The following PHLPP2 variants were observed in gnomAD, a reference collection of about 807,000 sequenced individuals.
PHLPP2 encodes the protein PH domain and leucine rich repeat protein phosphatase 2, also known as PH domain leucine-rich repeat-containing protein phosphatase 2.
Under a neutral mutation model 124.9 loss-of-function variants are expected in PHLPP2, and 66 were observed. That is an observed-to-expected ratio of 0.53 (90% CI 0.43 to 0.65). The LOEUF (loss-of-function observed/expected upper bound fraction) is 0.65. PHLPP2 is among the 30% of genes least tolerant of loss of function. The pLI, the probability that PHLPP2 is intolerant of heterozygous loss-of-function variation, is 0.00. For synonymous variants in PHLPP2, 681 were observed against 624.7 expected, an observed-to-expected ratio of 1.09 and a Z score of -1.34; for missense variants, 1,685 against 1,600.4, an observed-to-expected ratio of 1.05 and a Z score of -0.90.
Position 71,652,953 on chromosome 16 carries a change from G to A in PHLPP2, c.2654C>T (p.Ala885Val). 1 of 1,614,068 alleles carries A rather than the reference G, an allele frequency of 6.2e-7. No homozygotes were observed. Among genetic ancestry groups the A allele is most frequent in the South Asian group, 1.1e-5 (1 of 91,082 alleles). The change falls in exon 18 of 19, where the codon GCC (alanine) becomes GTC (valine). Residue 885 changes from alanine (A) to valine (V), a missense_variant. Coordinates refer to ENST00000568954, the MANE Select transcript of PHLPP2 (RefSeq NM_015020.3). ...ALLCYIRPDT[A>V]DPASSFSLTV... ...CAAGCTAAAGCTACTTGCTGGATCGGCAGTGTCAGGGCGGATGTAGCACAG... is the reference window on the plus strand; with the variant it reads ...CAAGCTAAAGCTACTTGCTGGATCGACAGTGTCAGGGCGGATGTAGCACAG...
chr16:71,687,518 A>T (rs2045065471), intron 4 of PHLPP2, among the ~76,000 whole-genome samples: 1 of 152,162 alleles, frequency 6.6e-6, no homozygotes, highest in Admixed American at 6.5e-5. Context: ...ATGATTACTG[A>T]TATATTCGGA....
chr16:71,702,330 G>T (rs2045240029), intron 3 of PHLPP2, among the ~76,000 whole-genome samples: 2 of 152,132 alleles, frequency 1.3e-5, no homozygotes, highest in African/African-American at 4.8e-5. Context: ...ATCCAGTCAA[G>T]ATTCTGGCAA....
chr16:71,655,056 C>A (rs546581744), intron 17 of PHLPP2, 184 bp downstream of exon 17: 79 of 543,434 alleles, frequency 1.5e-4, no homozygotes, highest in African/African-American at 1.3e-3. Flanking sequence ...ATGACCCCCA[C>A]AGGCTTTTGA....
intron 8 of PHLPP2, chr16:71,677,116 T>TCA (rs2044953861): frequency 3.5e-5 from 2 of 56,716 alleles, no homozygotes; most frequent in Non-Finnish European, 6.7e-5. Context: ...ATATAAATAA[T>TCA]TAGTTGATGA....
intron 3 of PHLPP2, among the ~76,000 whole-genome samples, chr16:71,701,627 G>A (rs2045234089): frequency 6.6e-6 from 1 of 152,128 alleles, no homozygotes. Flanking sequence ...GCCAACCACT[G>A]TGCAGTATAA....
intron 17 of PHLPP2, among the ~76,000 whole-genome samples, chr16:71,653,514 G>A (rs1265354659): frequency 6.6e-6 from 1 of 152,146 alleles, no homozygotes; most frequent in Non-Finnish European, 1.5e-5. Context: ...CTCGAGGGAA[G>A]GACCATGATT....
chr16:71,679,101 A>G, intron 7 of PHLPP2, 116 bp from the exon 8 acceptor site: 1 of 661,566 alleles, frequency 1.5e-6, no homozygotes, highest in Non-Finnish European at 2.6e-6. Context: ...CAAAATAGTA[A>G]AGTGTCCTAA....
At chr16:71,691,917 A>T (rs1273077381) in intron 3 of PHLPP2, among the ~76,000 whole-genome samples, 1 of 152,056 alleles carries the variant, frequency 6.6e-6, no homozygotes, top group Non-Finnish European at 1.5e-5. Context: ...ACATCATAGT[A>T]AGACCCTGTG....
chr16:71,658,261 G>C lies in PHLPP2; in HGVS notation c.2251C>G (p.Leu751Val), dbSNP rs769403092. 3.1e-6 allele frequency: 5 copies of C among 1,613,828 alleles called. No individual in the cohort carries two copies. The South Asian group carries it at 3.3e-5, about 11-fold the overall frequency. ...AATATGTCCAGTGTCTTGTGTTCCA[G>C]AACCAGATTTGTATTTCCAGTCAGG... Reference protein sequence around the residue: ...LDLTGNTNLVLEHKTLDIFSH... With the variant: ...LDLTGNTNLVVEHKTLDIFSH... The change falls in exon 15 of 19, where the codon CTG becomes GTG. Residue 751 changes from leucine to valine, a missense_variant. Transcript: ENST00000568954.
intron 2 of PHLPP2, among the ~76,000 whole-genome samples, chr16:71,711,472 A>G (rs2045323812): frequency 1.3e-5 from 2 of 152,194 alleles, no homozygotes; most frequent in African/African-American, 4.8e-5. Flanking sequence ...TAATGTTACT[A>G]TGGGGAGGCA....
At chr16:71,720,220 C>T (rs1184402382) in intron 1 of PHLPP2, among the ~76,000 whole-genome samples, 2 of 151,732 alleles carry the variant, frequency 1.3e-5, no homozygotes, top group Admixed American at 6.6e-5. Context: ...CCACCAGCCT[C>T]GGCCTCCCAA....
At position 71,645,886 on chromosome 16, in the gene PHLPP2, T is replaced by C. The variant is rs1028737075; in HGVS notation, c.*3004A>G. Reference sequence around the variant, plus strand: ...ATATTCAAATATCCTTCCAATCCATTTGGACAAAAATACACCATGGCTGCC... The same window carrying C: ...ATATTCAAATATCCTTCCAATCCATCTGGACAAAAATACACCATGGCTGCC... On this transcript the variant is annotated 3_prime_UTR_variant, in exon 19 of 19. Transcript: ENST00000568954. 6.6e-6 allele frequency: 1 copy of C among 152,466 alleles called. No individual in the cohort carries two copies. The highest frequency in any genetic ancestry group is 2.4e-5 in the African/African-American group (1 of 41,454). The allele number at this position is 152,466 out of a possible 1,614,324, so 9.4% of individuals were successfully genotyped here. A position where few individuals can be genotyped will look rare whatever the true frequency, so the allele number is the denominator to read the frequency against.
At chr16:71,663,851 G>T (rs370699328) in intron 13 of PHLPP2, 48 bp downstream of exon 13, 36 of 1,375,078 alleles carry the variant, frequency 2.6e-5, no homozygotes, top group Non-Finnish European at 3.2e-5. Flanking sequence ...GACAAATATA[G>T]AATTAATGTT....
At chr16:71,669,484 G>A (rs532595953) in intron 10 of PHLPP2, 114 bp from the exon 11 acceptor site, 1 of 701,588 alleles carries the variant, frequency 1.4e-6, no homozygotes, top group Middle Eastern at 2.5e-4. Context: ...CAGGAACACT[G>A]TCTCCAAGGC....
At chr16:71,720,089 C>T (rs910285497) in intron 1 of PHLPP2, among the ~76,000 whole-genome samples, 1 of 150,668 alleles carries the variant, frequency 6.6e-6, no homozygotes, top group African/African-American at 2.4e-5. Context: ...CCTGCCTCAG[C>T]CTCCCGAGTA....
At position 71,690,430 on chromosome 16, in the gene PHLPP2, G is replaced by T. The variant is rs888523137; in HGVS notation, c.609+89C>A. On this transcript the variant is annotated intron_variant, in intron 4 of 18. Coordinates refer to ENST00000568954, the MANE Select transcript of PHLPP2 (RefSeq NM_015020.3). The stretch of plus-strand genomic sequence containing the variant: ...ATGCCCATACTGGCTTCTTTGAAAA[G>T]ATATGACTAAAAGCTATGAAAAGCA... The T allele has an allele frequency of 5.4e-6, 5 of 924,670 alleles. No homozygotes were observed. The African/African-American group carries it at 8.3e-5, about 15-fold the overall frequency. 57.3% of individuals were successfully genotyped at this position (924,670 alleles called of 1,614,324 possible).
chr16:71,707,284 T>C (rs1035136176), intron 2 of PHLPP2, among the ~76,000 whole-genome samples: 2 of 152,142 alleles, frequency 1.3e-5, no homozygotes, highest in African/African-American at 4.8e-5. Flanking sequence ...GCACCACTGC[T>C]GAATAATAAA....
intron 6 of PHLPP2, among the ~76,000 whole-genome samples, chr16:71,680,606 T>G (rs2145339122): frequency 6.6e-6 from 1 of 152,362 alleles, no homozygotes; most frequent in East Asian, 1.9e-4. Context: ...GGGAGTAGGA[T>G]ACTTCGTTAT....
At chr16:71,677,839 A>C (rs572632507) in intron 8 of PHLPP2, 1 of 152,188 alleles carries the variant, frequency 6.6e-6, no homozygotes, top group South Asian at 2.1e-4. Context: ...CCAATGACTC[A>C]ACAGAAAAAT....
Sources: allele counts gnomAD v4.1 joint callset (sites outside exome capture counted in the v4.1 genomes callset), GRCh38; gene constraint gnomAD v4.1.1; transcripts MANE v1.5; gene names NCBI Gene and HGNC (gene_info 2026-07-23, HGNC 2026-07-21).